Variants in KCNH1 observed in about 807,000 individuals in gnomAD.
The protein encoded by KCNH1 is voltage-gated delayed rectifier potassium channel KCNH1.
Under a neutral mutation model 69.2 loss-of-function variants are expected in KCNH1, and 27 were observed. The ratio of observed to expected loss-of-function variants is 0.39; its 90% CI spans 0.29 to 0.54. The LOEUF is 0.54. Ranked by LOEUF, KCNH1 falls within the 20% of genes least tolerant of loss-of-function variation. KCNH1 has a pLI of 0.68. For synonymous variants in KCNH1, 456 were observed against 487.7 expected (o/e 0.93, Z 0.86); for missense variants, 798 against 1,261.6 (o/e 0.63, Z 5.57).
chr1:210,953,694 T>C (rs1296486926), intron 6 of KCNH1, among the ~76,000 whole-genome samples: 1 of 152,092 alleles, frequency 6.6e-6, no homozygotes, highest in African/African-American at 2.4e-5. Context: ...TGGCAGGAAA[T>C]CCTCCAGTGG....
chr1:210,860,343 C>T, intron 7 of KCNH1: 1 of 1,455,290 alleles, frequency 6.9e-7, no homozygotes. Context: ...CTGAGACATG[C>T]TGTTGTAAAA....
chr1:210,917,225 G>GAAAGAAAGAA lies in KCNH1; in HGVS notation c.1462+2414_1462+2415insTTCTTTCTTT, dbSNP rs771690002. On this transcript the variant is annotated intron_variant, in intron 7 of 10. Transcript: ENST00000271751. Reference sequence around the variant, plus strand: ...AAAGGGACAGAGAGAGAGAGAGAGAGAGAGAGAAAGAAAGAAAGAAAGAAA... The same window carrying GAAAGAAAGAA: ...AAAGGGACAGAGAGAGAGAGAGAGAGAAAGAAAGAAAGAGAGAAAGAAAGAAAGAAAGAAA... 7.7e-3 allele frequency among the ~76,000 whole-genome samples: 617 copies of GAAAGAAAGAA among 80,498 alleles called. 4 individuals are homozygous for GAAAGAAAGAA. Among genetic ancestry groups the GAAAGAAAGAA allele is most frequent in the Middle Eastern group, 0.021 (3 of 146 alleles). The allele number at this position is 80,498 out of a possible 152,430, so 52.8% of individuals were successfully genotyped here.
intron 6 of KCNH1, among the ~76,000 whole-genome samples, chr1:210,926,883 C>A (rs1485455393): frequency 6.6e-6 from 1 of 152,068 alleles, no homozygotes; most frequent in Non-Finnish European, 1.5e-5. Context: ...ACAATCACAA[C>A]TTCTGGAAAT....
At chr1:210,961,859 A>C (rs1300264322) in intron 6 of KCNH1, among the ~76,000 whole-genome samples, 1 of 148,268 alleles carries the variant, frequency 6.7e-6, no homozygotes, top group Non-Finnish European at 1.5e-5. Context: ...AAAAAAAAAA[A>C]GAATACAGTT....
intron 10 of KCNH1, among the ~76,000 whole-genome samples, chr1:210,740,359 C>CTT (rs578164028): frequency 5.8e-4 from 88 of 152,192 alleles, no homozygotes; most frequent in African/African-American, 1.8e-3. Context: ...CAGAAACAGA[C>CTT]TTTTACCTTC....
chr1:210,829,748 G>T (rs1399322521), intron 7 of KCNH1, among the ~76,000 whole-genome samples: 1 of 152,154 alleles, frequency 6.6e-6, no homozygotes, highest in Admixed American at 6.6e-5. Flanking sequence ...TCTCAAAGAG[G>T]TGTAACATTA....
At chr1:210,903,278 T>C (rs1195583536) in intron 7 of KCNH1, among the ~76,000 whole-genome samples, 1 of 152,328 alleles carries the variant, frequency 6.6e-6, no homozygotes, top group Admixed American at 6.5e-5. Flanking sequence ...TACTTGTCTG[T>C]CCCCTCTTAG....
At chr1:211,092,135 T>C (rs368214528) in intron 3 of KCNH1, among the ~76,000 whole-genome samples, 2 of 152,238 alleles carry the variant, frequency 1.3e-5, no homozygotes, top group East Asian at 3.9e-4. Flanking sequence ...AGCACTGTGC[T>C]CAGCATTTTA....
chr1:210,725,736 C>T (rs1271915017), intron 10 of KCNH1, among the ~76,000 whole-genome samples: 1 of 152,176 alleles, frequency 6.6e-6, no homozygotes, highest in Non-Finnish European at 1.5e-5. Flanking sequence ...AGCCCCTTCT[C>T]CTTCCCAGTC....
intron 3 of KCNH1, among the ~76,000 whole-genome samples, chr1:211,091,942 C>T (rs1338348): frequency 0.079 from 12,012 of 152,230 alleles, 714 homozygotes; most frequent in South Asian, 0.17. Flanking sequence ...ACAAAGCAAT[C>T]CAATGTTCTT....
intron 10 of KCNH1, among the ~76,000 whole-genome samples, chr1:210,687,845 C>G (rs59540052): frequency 1.3e-5 from 2 of 152,144 alleles, no homozygotes; most frequent in African/African-American, 4.8e-5. Flanking sequence ...AGCAGCTCTC[C>G]GTCTGCTTGG....
rs112274416 is a variant in KCNH1 at position 211,101,316 on chromosome 1, T to TACAC, written c.310+2176_310+2179dup. Among the ~76,000 whole-genome samples, 69 of 151,558 alleles carry TACAC rather than the reference T, an allele frequency of 4.6e-4. 1 individual carries two copies. The highest frequency in any genetic ancestry group is 3.4e-3 in the Middle Eastern group (1 of 294). ...AGCTATTGGAAAGACAAAAAAACCA[T>TACAC]ACACACACACACACAGAATCCAGTG... is the stretch of plus-strand genomic sequence containing the variant. On this transcript the variant is annotated intron_variant, in intron 3 of 10. Transcript: ENST00000271751.
chr1:210,835,708 T>C (rs1446568355), intron 7 of KCNH1, among the ~76,000 whole-genome samples: 1 of 152,202 alleles, frequency 6.6e-6, no homozygotes, highest in African/African-American at 2.4e-5. Flanking sequence ...GGGGAAATAC[T>C]GATGATCTTA....
chr1:211,107,106 A>G (rs188520561), intron 2 of KCNH1, 148 bp downstream of exon 2: 520 of 817,016 alleles, frequency 6.4e-4, no homozygotes, highest in Non-Finnish European at 8.6e-4. Context: ...CCTGTACAGT[A>G]CATGAACTAG....
intron 9 of KCNH1, among the ~76,000 whole-genome samples, chr1:210,797,278 C>G (rs1558473576): frequency 6.6e-6 from 1 of 152,176 alleles, no homozygotes; most frequent in Non-Finnish European, 1.5e-5. Context: ...ACTGGGAGCC[C>G]CTTGAGGATA....
At chr1:210,925,955 A>G (rs967651697) in intron 6 of KCNH1, among the ~76,000 whole-genome samples, 9 of 152,218 alleles carry the variant, frequency 5.9e-5, no homozygotes, top group Admixed American at 5.2e-4. Context: ...CTGGAGGCCA[A>G]CCAACACAAA....
At chr1:210,742,272 T>A (rs1165517735) in intron 10 of KCNH1, among the ~76,000 whole-genome samples, 1 of 152,212 alleles carries the variant, frequency 6.6e-6, no homozygotes, top group African/African-American at 2.4e-5. Context: ...CTAGAATAAA[T>A]CTTAGCAAAA....
intron 6 of KCNH1, among the ~76,000 whole-genome samples, chr1:210,922,205 C>T (rs979212011): frequency 2.0e-5 from 3 of 151,568 alleles, no homozygotes; most frequent in African/African-American, 7.3e-5. Flanking sequence ...CATGGTGAAA[C>T]CCTGTCTCCA....
At chr1:211,112,315 C>T (rs188283093) in intron 1 of KCNH1, among the ~76,000 whole-genome samples, 3,203 of 136,738 alleles carry the variant, frequency 0.023, 43 homozygotes, top group Non-Finnish European at 0.038. Flanking sequence ...CACCCCTCCC[C>T]CGGGGCCCGG....
Sources: gnomAD v4.1 joint callset for allele counts (sites outside exome capture counted in the v4.1 genomes callset) on GRCh38, gnomAD v4.1.1 for gene constraint, MANE v1.5 for transcripts, NCBI Gene and HGNC (gene_info 2026-07-23, HGNC 2026-07-21) for gene names.